Variants in ADCY10 observed in about 807,000 individuals in gnomAD.
The protein encoded by ADCY10 is adenylate cyclase 10.
Under a neutral mutation model 183.3 loss-of-function variants are expected in ADCY10, and 156 were observed. That is an observed-to-expected ratio of 0.85 (90% CI 0.75 to 0.97). The LOEUF is 0.97. ADCY10 is among the 50% of genes least tolerant of loss of function. The pLI is 0.00. For synonymous variants in ADCY10, 645 were observed against 670.0 expected, an observed-to-expected ratio of 0.96 and a Z score of 0.58; for missense variants, 1,745 against 1,934.3, an observed-to-expected ratio of 0.90 and a Z score of 1.84.
At chr1:167,867,350 G>T (rs1363995865) in intron 14 of ADCY10, among the ~76,000 whole-genome samples, 1 of 152,046 alleles carries the variant, frequency 6.6e-6, no homozygotes, top group Non-Finnish European at 1.5e-5. Context: ...ACTCATCACG[G>T]GACTCATTTT....
intron 14 of ADCY10, among the ~76,000 whole-genome samples, chr1:167,868,743 T>C (rs1571350812): frequency 6.6e-6 from 1 of 152,184 alleles, no homozygotes; most frequent in Admixed American, 6.5e-5. Context: ...AACATAGCCA[T>C]AGATAATTAA....
chr1:167,901,692 C>T lies in ADCY10; in HGVS notation c.406G>A (p.Glu136Lys). 3 of 1,614,158 alleles carry T rather than the reference C, an allele frequency of 1.9e-6. No individual in the cohort carries two copies. Among genetic ancestry groups the T allele is most frequent in the Non-Finnish European group, 2.5e-6 (3 of 1,180,024 alleles). ...TTGACTCGGATGTCTAGGCCTTCTT[C>T]CCACTCCTGGGTCTCAAACAATCCA... ...IHGLFETQEW[E>K]EGLDIRVKIG... The change falls in exon 5 of 33, where the codon GAA becomes AAA. Residue 136 changes from glutamate (E) to lysine (K), a missense_variant. By Grantham distance (56) the Glu-to-Lys change is moderately conservative (BLOSUM62 1). Coordinates refer to ENST00000367851, the MANE Select transcript of ADCY10 (RefSeq NM_018417.6).
intron 25 of ADCY10, 75 bp downstream of exon 25, chr1:167,832,912 G>A: frequency 6.6e-7 from 1 of 1,516,584 alleles, no homozygotes; most frequent in Non-Finnish European, 9.1e-7. Context: ...GGCTTTGGGG[G>A]CTGACTTGGA....
chr1:167,908,762 T>C (rs1669968525), intron 1 of ADCY10, among the ~76,000 whole-genome samples: 1 of 152,226 alleles, frequency 6.6e-6, no homozygotes, highest in Admixed American at 6.5e-5. Flanking sequence ...GCTAGGATTT[T>C]AATACATCTT....
At chr1:167,854,134 G>A (rs565117919) in intron 18 of ADCY10, among the ~76,000 whole-genome samples, 2 of 152,218 alleles carry the variant, frequency 1.3e-5, no homozygotes, top group South Asian at 2.1e-4. Flanking sequence ...CACCGCGCCC[G>A]GCCATAGTTA....
chr1:167,842,505 A>T (rs1664725167), intron 21 of ADCY10, among the ~76,000 whole-genome samples: 1 of 151,740 alleles, frequency 6.6e-6, no homozygotes. Flanking sequence ...TATACTCCAC[A>T]CTTTGGGAGG....
chr1:167,850,554 T>C (rs989807951), intron 18 of ADCY10, among the ~76,000 whole-genome samples: 1 of 150,012 alleles, frequency 6.7e-6, no homozygotes, highest in East Asian at 2.0e-4. Flanking sequence ...CCAGGAGGAG[T>C]AGACCCAGGT....
chr1:167,886,098 A>G (rs1433016129), intron 8 of ADCY10, among the ~76,000 whole-genome samples: 2 of 152,228 alleles, frequency 1.3e-5, no homozygotes, highest in Admixed American at 6.5e-5. Flanking sequence ...GGAAAAATCA[A>G]TATCATGAAA....
chr1:167,838,373 T>A (rs1664378563), intron 21 of ADCY10, among the ~76,000 whole-genome samples: 1 of 152,222 alleles, frequency 6.6e-6, no homozygotes, highest in South Asian at 2.1e-4. Flanking sequence ...CTAAAACTGC[T>A]GTTGTTAAAG....
In ADCY10 at chr1:167,860,991, A is replaced by G; in HGVS notation, c.1689T>C (p.Asn563=). The G allele has an allele frequency of 6.2e-7, 1 of 1,613,980 alleles. No homozygotes were observed. The highest frequency in any genetic ancestry group is 1.1e-5 in the South Asian group (1 of 91,082). The change falls in exon 15 of 33, where the codon AAT becomes AAC. Residue 563 remains asparagine, a synonymous_variant. Coordinates refer to ENST00000367851, the MANE Select transcript of ADCY10 (RefSeq NM_018417.6). Reference sequence around the variant, plus strand: ...GTTTACAAGTGTCTAGGCCTAGGACATTGGCCATGAACATCTGGATGGTAT... The same window carrying G: ...GTTTACAAGTGTCTAGGCCTAGGACGTTGGCCATGAACATCTGGATGGTAT... ...TFYTIQMFMA[N]VLGLDTCKHY...
intron 28 of ADCY10, among the ~76,000 whole-genome samples, chr1:167,823,675 C>G (rs1187934886): frequency 6.6e-6 from 1 of 152,158 alleles, no homozygotes; most frequent in Non-Finnish European, 1.5e-5. Context: ...CCTTCCTGGT[C>G]TAGTCTTGGT....
chr1:167,878,391 T>C, intron 12 of ADCY10, 55 bp downstream of exon 12: 2 of 1,583,412 alleles, frequency 1.3e-6, no homozygotes, highest in Non-Finnish European at 1.7e-6. Context: ...TTTGCTATCA[T>C]AATTCTCCCG....
chr1:167,876,222 A>G (rs1558220468), intron 12 of ADCY10, among the ~76,000 whole-genome samples: 1 of 150,442 alleles, frequency 6.6e-6, no homozygotes, highest in Admixed American at 6.7e-5. Context: ...ACGCCATTGC[A>G]TTCCATCCTG....
intron 18 of ADCY10, among the ~76,000 whole-genome samples, chr1:167,851,280 T>G (rs1017046283): frequency 6.6e-6 from 1 of 152,026 alleles, no homozygotes; most frequent in African/African-American, 2.4e-5. Context: ...TCAACCTCCC[T>G]GGCTCAAGCA....
At chr1:167,863,685 G>T (rs1401259474) in intron 14 of ADCY10, among the ~76,000 whole-genome samples, 1 of 152,248 alleles carries the variant, frequency 6.6e-6, no homozygotes, top group African/African-American at 2.4e-5. Flanking sequence ...CAACCAGCCA[G>T]AGTGACGCGG....
At chr1:167,885,798 T>C (rs948234909) in intron 8 of ADCY10, among the ~76,000 whole-genome samples, 3 of 152,130 alleles carry the variant, frequency 2.0e-5, no homozygotes, top group African/African-American at 7.2e-5. Context: ...GTATTTTTAG[T>C]AGAGACGGGG....
chr1:167,854,127 C>T lies in ADCY10; in HGVS notation c.2308+226G>A, dbSNP rs531876749. 3.3e-4 allele frequency among the ~76,000 whole-genome samples: 50 copies of T among 152,108 alleles called. 1 individual carries two copies. The highest frequency in any genetic ancestry group is 3.2e-3 in the Admixed American group (49 of 15,276). On this transcript the variant is annotated intron_variant, in intron 18 of 32. Transcript: ENST00000367851. ...GTGCTGAGATTTAGGCGTGAGCCAC[C>T]GCGCCCGGCCATAGTTAGACAATCT...
chr1:167,869,743 A>G (rs6669655), intron 14 of ADCY10, among the ~76,000 whole-genome samples: 79,837 of 151,920 alleles, frequency 0.53, 21,164 homozygotes, highest in East Asian at 0.71. Flanking sequence ...CCTCTCATGC[A>G]GACCCCCTTA....
chr1:167,861,377 T>C (rs1666277520), intron 14 of ADCY10, among the ~76,000 whole-genome samples: 1 of 152,228 alleles, frequency 6.6e-6, no homozygotes, highest in Non-Finnish European at 1.5e-5. Flanking sequence ...CCTAACGGCA[T>C]GAACCCAGGC....
Sources: allele counts gnomAD v4.1 joint callset (sites outside exome capture counted in the v4.1 genomes callset), GRCh38; gene constraint gnomAD v4.1.1; transcripts MANE v1.5; gene names NCBI Gene and HGNC (gene_info 2026-07-23, HGNC 2026-07-21).